The following NOC3L variants were observed in gnomAD, a reference collection of about 807,000 sequenced individuals.
NOC3L encodes the protein NOC3 like DNA replication regulator, also known as nucleolar complex protein 3 homolog.
A neutral mutation model predicts 102.5 loss-of-function variants in NOC3L; 85 were observed. That is an observed-to-expected ratio of 0.83 (90% CI 0.70 to 0.99). NOC3L has a LOEUF of 0.99. NOC3L is among the 50% of genes least tolerant of loss of function. The pLI is 0.00. For missense variants in NOC3L, 878 were observed against 914.9 expected, an observed-to-expected ratio of 0.96 and a Z score of 0.52; for synonymous variants, 303 against 309.4, an observed-to-expected ratio of 0.98 and a Z score of 0.22.
At chr10:94,354,593 C>G (rs189516056) in intron 6 of NOC3L, among the ~76,000 whole-genome samples, 5 of 152,290 alleles carry the variant, frequency 3.3e-5, no homozygotes, top group African/African-American at 1.2e-4. Context: ...CCATACACTT[C>G]CCCTGTAGCG....
the NOC3L span, among the ~76,000 whole-genome samples, chr10:94,321,538 G>C: frequency 1.3e-5 from 2 of 150,648 alleles, no homozygotes; most frequent in African/African-American, 4.9e-5. Flanking sequence ...TGAGGCAGGA[G>C]AATTGCTTGA....
chr10:94,338,022 C>A, intron 18 of NOC3L, 148 bp from the exon 19 acceptor site: 1 of 449,964 alleles, frequency 2.2e-6, no homozygotes, highest in East Asian at 3.4e-5. Context: ...GAAGCACATA[C>A]CCACAGAAAG....
chr10:94,352,821 C>CAAA, intron 7 of NOC3L, 75 bp downstream of exon 7: 3 of 1,052,180 alleles, frequency 2.9e-6, no homozygotes, highest in African/African-American at 1.7e-5. Flanking sequence ...AACTCTGCCT[C>CAAA]AAAAAAAAAA....
intron 11 of NOC3L, among the ~76,000 whole-genome samples, chr10:94,345,457 T>C (rs774229953): frequency 2.0e-5 from 3 of 152,268 alleles, no homozygotes; most frequent in Admixed American, 6.5e-5. Flanking sequence ...TCCTTTTTTT[T>C]CTACTACCTA....
intron 10 of NOC3L, among the ~76,000 whole-genome samples, chr10:94,348,100 G>A (rs1232165114): frequency 6.7e-6 from 1 of 149,946 alleles, no homozygotes; most frequent in Non-Finnish European, 1.5e-5. Context: ...ATAACTGGCT[G>A]TCAGATTATA....
chr10:94,322,400 C>T, the NOC3L span, among the ~76,000 whole-genome samples: 1 of 152,022 alleles, frequency 6.6e-6, no homozygotes, highest in Admixed American at 6.5e-5. Flanking sequence ...CCTGTAATCC[C>T]AGCAGTTTGG....
chr10:94,351,878 G>A (rs566939719), intron 8 of NOC3L, among the ~76,000 whole-genome samples: 1 of 152,114 alleles, frequency 6.6e-6, no homozygotes, highest in East Asian at 1.9e-4. Context: ...AAAAACAGCA[G>A]AATAAATCCC....
chr10:94,328,213 G>A, the NOC3L span: 1 of 303,176 alleles, frequency 3.3e-6, no homozygotes, highest in Non-Finnish European at 6.9e-6. Flanking sequence ...AATTGACTTA[G>A]AGCAAGGGTC....
At position 94,344,835 on chromosome 10, in the gene NOC3L, G is replaced by C. The variant is rs1248312469; in HGVS notation, c.1470+18C>G. On this transcript the variant is annotated intron_variant, in intron 12 of 20. Coordinates refer to ENST00000371361, the MANE Select transcript of NOC3L (RefSeq NM_022451.11). ...CTTAACGCATTTTAAAAGCATAACA[G>C]AATATGAAACTGCCTACCAGTTTAA... The C allele has an allele frequency of 3.2e-6, 5 of 1,554,256 alleles. No homozygotes were observed. The Admixed American group carries it at 7.7e-5, about 24-fold the overall frequency.
chr10:94,356,547 C>T lies in NOC3L; in HGVS notation c.553G>A (p.Glu185Lys), dbSNP rs1291924714. 5.7e-6 allele frequency: 9 copies of T among 1,579,820 alleles called. No homozygotes were observed. The highest frequency in any genetic ancestry group is 2.2e-5 in the East Asian group (1 of 44,556). The change falls in exon 5 of 21, where the codon GAA becomes AAA. Residue 185 changes from glutamate to lysine, a missense_variant. Transcript: ENST00000371361. The part of the protein sequence containing the change: ...KDEEDQEEER[E>K]LEEEIIEDPI... The stretch of plus-strand genomic sequence containing the variant: ...AAAGACATATTACCTTCCTCAAGTT[C>T]CCTCTCTTCTTCTTGATCCTCTTCA...
At chr10:94,316,760 AGT>A in the NOC3L span, 1 of 1,604,386 alleles carries the variant, frequency 6.2e-7, no homozygotes, top group East Asian at 2.2e-5. Flanking sequence ...GCAGGAAGTA[AGT>A]GTGTCTGGGT....
At chr10:94,353,200 T>A in intron 6 of NOC3L, 143 bp from the exon 7 acceptor site, 1 of 642,336 alleles carries the variant, frequency 1.6e-6, no homozygotes, top group Non-Finnish European at 2.7e-6. Context: ...CTCCAGACCC[T>A]GCTCACTTTA....
the NOC3L span, among the ~76,000 whole-genome samples, chr10:94,323,224 A>T: frequency 6.6e-6 from 1 of 152,196 alleles, no homozygotes. Flanking sequence ...GAGAGTTTAC[A>T]TGGTTTCAGA....
In NOC3L at chr10:94,343,794, T is replaced by C. The variant is rs774315252; in HGVS notation, c.1571+621A>G. On this transcript the variant is annotated intron_variant, in intron 13 of 20. Transcript: ENST00000371361. The stretch of plus-strand genomic sequence containing the variant: ...TTCAGATAAATCAAATCCAGTAAAA[T>C]ATATAAAAATTAATTTCACCTGTTT... Among the ~76,000 whole-genome samples, 34 of 152,348 alleles carry C rather than the reference T, an allele frequency of 2.2e-4. No homozygotes were observed. The East Asian group carries it at 2.5e-3, about 11-fold the overall frequency.
chr10:94,339,869 A>G lies in NOC3L; in HGVS notation c.1832T>C (p.Leu611Pro). 1.2e-6 allele frequency: 2 copies of G among 1,614,228 alleles called. No homozygotes were observed. The highest frequency in any genetic ancestry group is 1.7e-6 in the Non-Finnish European group (2 of 1,180,026). Residue 611 changes from leucine to proline, a missense_variant, in exon 17 of 21, where the codon CTA (leucine) becomes CCA (proline). Coordinates refer to ENST00000371361, the MANE Select transcript of NOC3L (RefSeq NM_022451.11). ...AGAAACTTGCTTTCTGCGCTTAGTT[A>G]GCATGACATCAAGGCACTGGAGTAC... ...EIVLQCLDVM[L>P]TKRRKQVSQQ...
the NOC3L span, among the ~76,000 whole-genome samples, chr10:94,320,537 C>T: frequency 6.6e-6 from 1 of 152,176 alleles, no homozygotes; most frequent in Non-Finnish European, 1.5e-5. Flanking sequence ...TCCAAGATAG[C>T]GACAGCAACT....
At position 94,334,711 on chromosome 10, in the gene NOC3L, T is replaced by C. The variant is rs753878290; in HGVS notation, c.2197A>G (p.Thr733Ala). 10 of 1,610,134 alleles carry C rather than the reference T, an allele frequency of 6.2e-6. No individual in the cohort carries two copies. The highest frequency in any genetic ancestry group is 2.2e-5 in the East Asian group (1 of 44,786). ...LKPELSRRSA[T>A]ELFEAYSMAE... ...ATGCTATATGCCTCAAAAAGTTCAG[T>C]AGCAGATCTAAATCACAAACACAAA... is the stretch of plus-strand genomic sequence containing the variant. The change falls in exon 20 of 21, where the codon ACT becomes GCT. Residue 733 changes from threonine to alanine, a missense_variant. Coordinates refer to ENST00000371361, the MANE Select transcript of NOC3L (RefSeq NM_022451.11).
chr10:94,350,765 G>A lies in NOC3L; in HGVS notation c.953-477C>T, dbSNP rs566742829. ...AGAAAAAAAGACTTCATAATGGTTC[G>A]ATCTGCTCAGGAAAGGTCCAATATG... On this transcript the variant is annotated intron_variant, in intron 8 of 20. Coordinates refer to ENST00000371361, the MANE Select transcript of NOC3L (RefSeq NM_022451.11). Among the ~76,000 whole-genome samples the A allele has an allele frequency of 3.7e-4, 55 of 150,444 alleles. No homozygotes were observed. The South Asian group carries it at 5.9e-3, about 16-fold the overall frequency.
At chr10:94,323,888 G>C in the NOC3L span, among the ~76,000 whole-genome samples, 1 of 152,198 alleles carries the variant, frequency 6.6e-6, no homozygotes, top group African/African-American at 2.4e-5. Flanking sequence ...AGAGAGATCA[G>C]TTGACTTCTA....
Sources: allele counts gnomAD v4.1 joint callset (sites outside exome capture counted in the v4.1 genomes callset), GRCh38; gene constraint gnomAD v4.1.1; transcripts MANE v1.5; gene names NCBI Gene and HGNC (gene_info 2026-07-23, HGNC 2026-07-21).